C1QTNF7: variants seen among roughly 807,000 people sequenced by gnomAD.
C1QTNF7 encodes C1q and TNF related 7, also known as complement C1q tumor necrosis factor-related protein 7.
In C1QTNF7, 15 loss-of-function variants were observed where a neutral mutation model predicts 19.6. That is an observed-to-expected ratio of 0.76 (90% CI 0.51 to 1.18). C1QTNF7 has a LOEUF of 1.18. Among genes scored for constraint, C1QTNF7 ranks in the 50% most tolerant of loss-of-function variants. The pLI, the probability that C1QTNF7 is intolerant of heterozygous loss-of-function variation, is 0.00. For synonymous variants in C1QTNF7, 142 were observed against 137.5 expected, an observed-to-expected ratio of 1.03 and a Z score of -0.23; for missense variants, 324 against 359.7, an observed-to-expected ratio of 0.90 and a Z score of 0.80.
chr4:15,350,340 G>GA (rs747118792), intron 1 of C1QTNF7, among the ~76,000 whole-genome samples: 1 of 82,386 alleles, frequency 1.2e-5, no homozygotes, highest in Non-Finnish European at 2.2e-5. Flanking sequence ...AGAAAGGAGG[G>GA]AGGGAGGGAG....
chr4:15,408,916 C>T (rs1719301823), intron 1 of C1QTNF7, among the ~76,000 whole-genome samples: 1 of 152,112 alleles, frequency 6.6e-6, no homozygotes, highest in East Asian at 1.9e-4. Flanking sequence ...GAATTCCCAG[C>T]CTCCAGAACT....
chr4:15,419,483 C>T (rs935059603), intron 1 of C1QTNF7, among the ~76,000 whole-genome samples: 1 of 152,124 alleles, frequency 6.6e-6, no homozygotes, highest in Non-Finnish European at 1.5e-5. Context: ...CACACAGCAA[C>T]AGTGTATAGG....
intron 1 of C1QTNF7, among the ~76,000 whole-genome samples, chr4:15,368,625 C>T (rs991680352): frequency 6.6e-6 from 1 of 152,158 alleles, no homozygotes; most frequent in Admixed American, 6.5e-5. Context: ...TGAACTCATC[C>T]CTTTTTATGG....
intron 1 of C1QTNF7, among the ~76,000 whole-genome samples, chr4:15,433,742 A>G (rs1712421800): frequency 6.6e-6 from 1 of 152,196 alleles, no homozygotes; most frequent in Non-Finnish European, 1.5e-5. Context: ...CAGGTAGCCC[A>G]TCGTGATTCC....
intron 1 of C1QTNF7, among the ~76,000 whole-genome samples, chr4:15,414,416 A>T (rs142527930): frequency 1.3e-5 from 2 of 152,302 alleles, no homozygotes; most frequent in Non-Finnish European, 1.5e-5. Flanking sequence ...CACACACTAT[A>T]ACCTAAGCAT....
chr4:15,390,231 A>T (rs899783656), intron 1 of C1QTNF7, among the ~76,000 whole-genome samples: 2 of 152,198 alleles, frequency 1.3e-5, no homozygotes, highest in Admixed American at 1.3e-4. Context: ...CTAAGGAAGG[A>T]GCTGATGCTT....
chr4:15,427,609 C>T (rs964419162), upstream of C1QTNF7, among the ~76,000 whole-genome samples: 1 of 152,208 alleles, frequency 6.6e-6, no homozygotes, highest in African/African-American at 2.4e-5. Context: ...CATTATTCCA[C>T]AAGACACCAT....
intron 1 of C1QTNF7, among the ~76,000 whole-genome samples, chr4:15,372,937 A>G (rs77047127): frequency 2.8e-4 from 7 of 25,240 alleles, no homozygotes; most frequent in Non-Finnish European, 2.3e-4. Flanking sequence ...GAAAAGGGGG[A>G]AAAAAAGTCA....
intron 1 of C1QTNF7, among the ~76,000 whole-genome samples, chr4:15,402,988 T>G (rs1165420383): frequency 2.8e-4 from 43 of 151,866 alleles, no homozygotes; most frequent in African/African-American, 1.0e-3. Flanking sequence ...TTTTCTGTTT[T>G]TTTTTTTTTT....
intron 1 of C1QTNF7, among the ~76,000 whole-genome samples, chr4:15,431,863 T>G (rs1329910280): frequency 2.0e-5 from 3 of 152,166 alleles, no homozygotes; most frequent in Non-Finnish European, 2.9e-5. Context: ...AATTAGCTAC[T>G]GAGTTAGAAG....
At chr4:15,401,056 T>C (rs1052834366) in intron 1 of C1QTNF7, among the ~76,000 whole-genome samples, 2 of 152,134 alleles carry the variant, frequency 1.3e-5, no homozygotes, top group Non-Finnish European at 2.9e-5. Context: ...GAACCGGAAA[T>C]ACTAGCGGGC....
chr4:15,439,712 T>C (rs1712673563), intron 2 of C1QTNF7, among the ~76,000 whole-genome samples: 2 of 152,198 alleles, frequency 1.3e-5, no homozygotes, highest in South Asian at 4.1e-4. Flanking sequence ...TTGCTCTGAC[T>C]ACAAAAGTGC....
chr4:15,377,854 C>T (rs747890747), intron 1 of C1QTNF7, among the ~76,000 whole-genome samples: 31 of 152,272 alleles, frequency 2.0e-4, no homozygotes, highest in South Asian at 4.2e-4. Flanking sequence ...AACTTAGCAC[C>T]GCAACTAGCA....
Position 15,435,778 on chromosome 4 carries a change from T to A in C1QTNF7, c.35T>A (p.Ile12Asn). ...TTGCTCTATGTTACAAGTTTTGCCA[T>A]TTGTGCCAGTGGACAACCCCGGGGT... Reference protein sequence around the residue: ...FVLLYVTSFAICASGQPRGNQ... With the variant: ...FVLLYVTSFANCASGQPRGNQ... The change falls in exon 2 of 3, where the codon ATT becomes AAT. Residue 12 changes from isoleucine to asparagine, a missense_variant. Ile to Asn is a moderately radical substitution (Grantham distance 149). Transcript: ENST00000444304. 1 of 1,614,158 alleles carries A rather than the reference T, an allele frequency of 6.2e-7. No homozygotes were observed. The highest frequency in any genetic ancestry group is 8.5e-7 in the Non-Finnish European group (1 of 1,180,020).
chr4:15,413,340 C>T (rs1271421077), intron 1 of C1QTNF7, among the ~76,000 whole-genome samples: 1 of 152,174 alleles, frequency 6.6e-6, no homozygotes, highest in African/African-American at 2.4e-5. Context: ...AGGCCAGGCA[C>T]CTAGTAGGCA....
Position 15,442,398 on chromosome 4 carries a change from A to G in C1QTNF7, c.469A>G (p.Ser157Gly). The part of the protein sequence containing the change: ...KSAFSVGITT[S>G]YPEERLPIIF... The stretch of plus-strand genomic sequence containing the variant: ...CGCCTTTTCTGTTGGCATCACAACC[A>G]GCTACCCAGAAGAAAGACTACCTAT... Residue 157 changes from serine (S) to glycine (G), a missense_variant, in exon 3 of 3, where the codon AGC becomes GGC. Physicochemically the swap from Ser to Gly is moderately conservative, Grantham distance 56 (BLOSUM62 0). Transcript: ENST00000444304. The G allele has an allele frequency of 6.2e-7, 1 of 1,614,240 alleles. No individual in the cohort carries two copies. The highest frequency in any genetic ancestry group is 8.5e-7 in the Non-Finnish European group (1 of 1,180,036).
chr4:15,445,645 A>T lies in C1QTNF7; in HGVS notation c.*2846A>T, dbSNP rs1226729930. ...TAAACGAATAAAATCTTAAGCAAAT[A>T]TAGGTGTCTTTTATTCTTAAAAAAT... On this transcript the variant is annotated 3_prime_UTR_variant, in exon 3 of 3. Coordinates refer to ENST00000444304, the MANE Select transcript of C1QTNF7 (RefSeq NM_031911.5). 6.6e-6 allele frequency: 1 copy of T among 152,268 alleles called. No homozygotes were observed. The highest frequency in any genetic ancestry group is 1.5e-5 in the Non-Finnish European group (1 of 68,046). 9.4% of individuals were successfully genotyped at this position (152,268 alleles called of 1,614,324 possible). A position where few individuals can be genotyped will look rare whatever the true frequency, so the allele number is the denominator to read the frequency against.
intron 1 of C1QTNF7, among the ~76,000 whole-genome samples, chr4:15,382,641 T>A (rs1718189693): frequency 1.3e-5 from 2 of 152,194 alleles, no homozygotes; most frequent in Non-Finnish European, 2.9e-5. Context: ...ATTTTGGTAT[T>A]TCCTATCTAT....
chr4:15,434,476 G>A lies in C1QTNF7; in HGVS notation c.-8-1260G>A, dbSNP rs534857839. Reference sequence around the variant, plus strand: ...GATTGCTTTCCCCACATTTTGTGATGATTTCCTTTGGGAGAGTATACACCA... The same window carrying A: ...GATTGCTTTCCCCACATTTTGTGATAATTTCCTTTGGGAGAGTATACACCA... On this transcript the variant is annotated intron_variant, in intron 1 of 2. Coordinates refer to ENST00000444304, the MANE Select transcript of C1QTNF7 (RefSeq NM_031911.5). Among the ~76,000 whole-genome samples the A allele has an allele frequency of 1.6e-3, 251 of 152,294 alleles. 1 individual carries two copies. The highest frequency in any genetic ancestry group is 5.8e-3 in the African/African-American group (240 of 41,558).
Sources: gnomAD v4.1 joint callset for allele counts (sites outside exome capture counted in the v4.1 genomes callset) on GRCh38, gnomAD v4.1.1 for gene constraint, MANE v1.5 for transcripts, NCBI Gene and HGNC (gene_info 2026-07-23, HGNC 2026-07-21) for gene names.